Variants in MYO16 observed in about 807,000 individuals in gnomAD.
The protein encoded by MYO16 is unconventional myosin-XVI.
Under a neutral mutation model 205.3 loss-of-function variants are expected in MYO16, and 94 were observed. That is an observed-to-expected ratio of 0.46 (90% CI 0.39 to 0.54). The LOEUF (loss-of-function observed/expected upper bound fraction) is 0.54, where lower values mean the gene tolerates loss of function less well. MYO16 is among the 20% of genes least tolerant of loss of function. The probability of loss-of-function intolerance (pLI) is 0.00; values close to 1 mark genes in which losing one functional copy is unlikely to be tolerated. For synonymous variants in MYO16, 988 were observed against 954.0 expected (o/e 1.04, Z -0.66); for missense variants, 2,315 against 2,387.5 (o/e 0.97, Z 0.63).
At chr13:108,532,532 G>T in the MYO16 span, among the ~76,000 whole-genome samples, 3,817 of 151,744 alleles carry the variant, frequency 0.025, 131 homozygotes, top group African/African-American at 0.086. Flanking sequence ...CATGGCTCAT[G>T]CCTGTAATCC....
At chr13:109,189,050 T>C (rs2139939168) in intron 34 of MYO16, among the ~76,000 whole-genome samples, 1 of 151,286 alleles carries the variant, frequency 6.6e-6, no homozygotes, top group East Asian at 1.9e-4. Flanking sequence ...GCAGAGACAG[T>C]GTAATTGTAC....
At chr13:108,543,043 T>G in the MYO16 span, among the ~76,000 whole-genome samples, 1 of 152,092 alleles carries the variant, frequency 6.6e-6, no homozygotes, top group African/African-American at 2.4e-5. Context: ...GGTATTTGAT[T>G]TCATCTCAAA....
intron 2 of MYO16, among the ~76,000 whole-genome samples, chr13:108,676,405 G>GTGTGTGTGTGTTTT (rs755677285): frequency 2.0e-5 from 3 of 149,456 alleles, no homozygotes; most frequent in African/African-American, 7.4e-5. Context: ...GTGTGTGTGT[G>GTGTGTGTGTGTTTT]TGCCAGCCAT....
In MYO16 at chr13:108,624,061, A is replaced by G. The variant is rs182711549; in HGVS notation, c.-39+27822A>G. Among the ~76,000 whole-genome samples the G allele has an allele frequency of 3.6e-3, 554 of 152,322 alleles. 3 individuals are homozygous for G. Among genetic ancestry groups the G allele is most frequent in the African/African-American group, 0.012 (504 of 41,588 alleles). ...TGTAAATAAGAGCATGATTCAACTAAAGAGGCATATTTTGTTTAAAAAATC... is the reference window on the plus strand; with the variant it reads ...TGTAAATAAGAGCATGATTCAACTAGAGAGGCATATTTTGTTTAAAAAATC... On this transcript the variant is annotated intron_variant, in intron 1 of 24. Coordinates refer to the MYO16 transcript ENST00000251041.
intron 1 of MYO16, among the ~76,000 whole-genome samples, chr13:108,639,782 G>A (rs74431550): frequency 0.035 from 5,324 of 152,340 alleles, 138 homozygotes; most frequent in South Asian, 0.13. Context: ...TGAAGAGTTT[G>A]TGTTGGTGAT....
At chr13:108,712,856 TTAAC>T (rs1883778066) in intron 3 of MYO16, 125 bp downstream of exon 3, 1 of 685,702 alleles carries the variant, frequency 1.5e-6, no homozygotes, top group Admixed American at 3.0e-5. Context: ...GTGTTTCTAA[TTAAC>T]AGGCTTGGAT....
rs1878439164 is a variant in MYO16 at position 109,162,559 on chromosome 13, C to G, written c.5165-2342C>G. On this transcript the variant is annotated intron_variant, in intron 32 of 34. Coordinates refer to ENST00000457511, the MANE Select transcript of MYO16 (RefSeq NM_001198950.3). The surrounding 1 kb of genome is among the most constrained non-coding windows in gnomAD (Gnocchi z 4.6). Reference sequence around the variant, plus strand: ...GCTGCCCACCAGTGTTTTCCACTTACTAGGTTTTCCACGTAGCTGTGAGTC... The same window carrying G: ...GCTGCCCACCAGTGTTTTCCACTTAGTAGGTTTTCCACGTAGCTGTGAGTC... Among the ~76,000 whole-genome samples the G allele has an allele frequency of 6.6e-6, 1 of 152,178 alleles. No homozygotes were observed. Among genetic ancestry groups the G allele is most frequent in the African/African-American group, 2.4e-5 (1 of 41,442 alleles).
chr13:108,947,990 A>G (rs528569229), intron 16 of MYO16, among the ~76,000 whole-genome samples: 2 of 152,346 alleles, frequency 1.3e-5, no homozygotes, highest in South Asian at 4.1e-4. Context: ...ATATATTAAT[A>G]CTTTCCAGGT....
chr13:108,519,663 A>ACACACC, the MYO16 span, among the ~76,000 whole-genome samples: 12 of 150,906 alleles, frequency 8.0e-5, no homozygotes, highest in African/African-American at 1.2e-4. Context: ...ACACACACAC[A>ACACACC]CCCCACCAGA....
At chr13:108,724,243 T>C (rs775066080) in intron 3 of MYO16, among the ~76,000 whole-genome samples, 6 of 152,236 alleles carry the variant, frequency 3.9e-5, no homozygotes, top group Non-Finnish European at 8.8e-5. Context: ...TCATGTCATA[T>C]GCGAATAATG....
chr13:108,639,172 T>C (rs1235411636), intron 1 of MYO16, among the ~76,000 whole-genome samples: 1 of 151,952 alleles, frequency 6.6e-6, no homozygotes, highest in Non-Finnish European at 1.5e-5. Context: ...AGAGTGTGGA[T>C]TAAAGGAGAG....
intron 1 of MYO16, among the ~76,000 whole-genome samples, chr13:108,600,494 A>T (rs1174204336): frequency 6.6e-6 from 1 of 152,204 alleles, no homozygotes; most frequent in African/African-American, 2.4e-5. Context: ...GTTGACCGTT[A>T]TACATTCAGA....
At chr13:109,101,699 G>A (rs1888973065) in intron 28 of MYO16, 1 of 152,154 alleles carries the variant, frequency 6.6e-6, no homozygotes, top group South Asian at 2.1e-4. Flanking sequence ...AAATTATTTG[G>A]AAGTTTCTTG....
At chr13:108,561,882 TTCA>T in the MYO16 span, among the ~76,000 whole-genome samples, 1 of 152,268 alleles carries the variant, frequency 6.6e-6, no homozygotes, top group Non-Finnish European at 1.5e-5. Context: ...AGTAAGCCTA[TTCA>T]AAATGGAATC....
intron 21 of MYO16, among the ~76,000 whole-genome samples, chr13:108,997,408 GAGGAA>G (rs71125358): frequency 0.1 from 8,831 of 84,134 alleles, 653 homozygotes; most frequent in African/African-American, 0.21. Flanking sequence ...GGGAGAGTGG[GAGGAA>G]AGGAAAGGAA....
intron 27 of MYO16, among the ~76,000 whole-genome samples, chr13:109,093,572 A>G (rs1358347717): frequency 6.6e-6 from 1 of 152,054 alleles, no homozygotes. Context: ...CTGGGGAATA[A>G]ATGCTCTTCC....
chr13:108,684,241 T>C (rs1284808953), intron 2 of MYO16, among the ~76,000 whole-genome samples: 4 of 152,188 alleles, frequency 2.6e-5, no homozygotes, highest in Non-Finnish European at 5.9e-5. Flanking sequence ...GGGCAACCCC[T>C]AGGGCATTCT....
the MYO16 span, among the ~76,000 whole-genome samples, chr13:108,568,224 C>G: frequency 6.6e-6 from 1 of 152,096 alleles, no homozygotes; most frequent in Non-Finnish European, 1.5e-5. Flanking sequence ...TCTATGAGTG[C>G]AATTGCTGGG....
At chr13:108,560,314 C>G in the MYO16 span, among the ~76,000 whole-genome samples, 9 of 152,156 alleles carry the variant, frequency 5.9e-5, no homozygotes, top group Admixed American at 5.9e-4. Flanking sequence ...AATATCAAAC[C>G]AATGAATGGG....
Sources: allele counts gnomAD v4.1 joint callset (sites outside exome capture counted in the v4.1 genomes callset), GRCh38; gene constraint gnomAD v4.1.1; non-coding constraint Gnocchi (gnomAD v3.1); transcripts MANE v1.5; gene names NCBI Gene and HGNC (gene_info 2026-07-23, HGNC 2026-07-21).